Variants in AGBL1 observed in about 807,000 individuals in gnomAD.
AGBL1 encodes AGBL carboxypeptidase 1.
A neutral mutation model predicts 118.9 loss-of-function variants in AGBL1; 130 were observed. That is an observed-to-expected ratio of 1.09 (90% CI 0.95 to 1.26). The LOEUF is 1.26. Among genes scored for constraint, AGBL1 ranks in the 50% most tolerant of loss-of-function variants. The pLI, the probability that AGBL1 is intolerant of heterozygous loss-of-function variation, is 0.00. For missense variants in AGBL1, 1,584 were observed against 1,298.1 expected (o/e 1.22, Z -3.38); for synonymous variants, 555 against 478.9 (o/e 1.16, Z -2.08).
chr15:86,098,159 A>G (rs1896496751), intron 1 of AGBL1, among the ~76,000 whole-genome samples: 1 of 151,962 alleles, frequency 6.6e-6, no homozygotes, highest in South Asian at 2.1e-4. Flanking sequence ...ACTTTGTAAT[A>G]AAACTATTTA....
At chr15:86,711,114 CTG>C (rs2086548789) in intron 22 of AGBL1, among the ~76,000 whole-genome samples, 1 of 152,092 alleles carries the variant, frequency 6.6e-6, no homozygotes, top group Non-Finnish European at 1.5e-5. Flanking sequence ...GCTGTCAAGA[CTG>C]TGGGTAATAC....
chr15:86,550,639 G>C (rs2083651064), intron 20 of AGBL1, among the ~76,000 whole-genome samples: 1 of 151,920 alleles, frequency 6.6e-6, no homozygotes, highest in Non-Finnish European at 1.5e-5. Context: ...TTGAAAGAAG[G>C]CATTTAAAAT....
intron 18 of AGBL1, among the ~76,000 whole-genome samples, chr15:86,508,500 C>T (rs1334369345): frequency 6.6e-6 from 1 of 152,112 alleles, no homozygotes; most frequent in Non-Finnish European, 1.5e-5. Flanking sequence ...GCTTGAAATA[C>T]ATGACTATGA....
At chr15:86,731,475 G>T (rs370125223) in intron 22 of AGBL1, among the ~76,000 whole-genome samples, 1 of 152,138 alleles carries the variant, frequency 6.6e-6, no homozygotes, top group South Asian at 2.1e-4. Flanking sequence ...TAAATATTCT[G>T]CAGTGGGATT....
intron 17 of AGBL1, among the ~76,000 whole-genome samples, chr15:86,304,237 A>G (rs997314887): frequency 2.6e-5 from 4 of 152,002 alleles, no homozygotes; most frequent in Non-Finnish European, 5.9e-5. Context: ...CTTCATCCCT[A>G]CTAACCTTCT....
chr15:86,586,777 G>A (rs780436982), intron 21 of AGBL1, among the ~76,000 whole-genome samples: 2 of 152,108 alleles, frequency 1.3e-5, no homozygotes, highest in Non-Finnish European at 2.9e-5. Flanking sequence ...GAAGGTTTAG[G>A]AGTTATTTAT....
At chr15:86,727,763 A>C (rs2086842539) in intron 22 of AGBL1, among the ~76,000 whole-genome samples, 1 of 152,230 alleles carries the variant, frequency 6.6e-6, no homozygotes, top group Non-Finnish European at 1.5e-5. Context: ...GACTCAGAGA[A>C]TCACTGAATG....
chr15:86,552,476 A>T (rs1026925249), intron 20 of AGBL1, among the ~76,000 whole-genome samples: 1 of 152,236 alleles, frequency 6.6e-6, no homozygotes, highest in East Asian at 1.9e-4. Flanking sequence ...TGATCACTTT[A>T]GTTGCAGGAT....
chr15:86,426,545 GA>G (rs951158872), intron 18 of AGBL1, among the ~76,000 whole-genome samples: 1 of 152,204 alleles, frequency 6.6e-6, no homozygotes, highest in African/African-American at 2.4e-5. Context: ...ACTTCAGCCA[GA>G]TGGAACCGGC....
At chr15:86,927,562 G>C (rs2080557939) in intron 23 of AGBL1, among the ~76,000 whole-genome samples, 1 of 152,122 alleles carries the variant, frequency 6.6e-6, no homozygotes. Context: ...ACTCCAACCT[G>C]GGTGACAGAG....
chr15:86,995,029 G>A (rs145746597), intron 24 of AGBL1, among the ~76,000 whole-genome samples: 1 of 152,106 alleles, frequency 6.6e-6, no homozygotes, highest in African/African-American at 2.4e-5. Flanking sequence ...TGGAGACCGT[G>A]TTACATTATT....
At chr15:86,688,810 A>T (rs1206356791) in intron 22 of AGBL1, among the ~76,000 whole-genome samples, 1 of 152,166 alleles carries the variant, frequency 6.6e-6, no homozygotes, top group Non-Finnish European at 1.5e-5. Flanking sequence ...CTATCACCAC[A>T]ATCACAGTTA....
chr15:86,219,530 C>G (rs1248211980), intron 5 of AGBL1, among the ~76,000 whole-genome samples: 1 of 151,954 alleles, frequency 6.6e-6, no homozygotes, highest in Non-Finnish European at 1.5e-5. Flanking sequence ...AGAAAAGTGG[C>G]TGCTCCAAGC....
chr15:86,768,625 A>T (rs1001845093), intron 22 of AGBL1, among the ~76,000 whole-genome samples: 4 of 151,930 alleles, frequency 2.6e-5, no homozygotes, highest in African/African-American at 9.7e-5. Context: ...TGACCTGACA[A>T]CCTAGTGATC....
intron 22 of AGBL1, among the ~76,000 whole-genome samples, chr15:86,684,929 A>G (rs1164190727): frequency 6.6e-6 from 1 of 152,212 alleles, no homozygotes; most frequent in Non-Finnish European, 1.5e-5. Context: ...ATTTGACTGA[A>G]TAAAAATTAA....
intron 21 of AGBL1, among the ~76,000 whole-genome samples, chr15:86,602,328 C>T (rs2084509412): frequency 6.6e-6 from 1 of 152,180 alleles, no homozygotes; most frequent in African/African-American, 2.4e-5. Context: ...CTCAGCACAA[C>T]TTCTAGTACA....
chr15:86,739,182 G>A (rs983089568), intron 22 of AGBL1, among the ~76,000 whole-genome samples: 6 of 151,946 alleles, frequency 3.9e-5, no homozygotes, highest in African/African-American at 1.4e-4. Flanking sequence ...GGTGGCTCAT[G>A]CCTGTAATCC....
intron 22 of AGBL1, among the ~76,000 whole-genome samples, chr15:86,868,484 C>CCA (rs2079669469): frequency 6.6e-6 from 1 of 152,202 alleles, no homozygotes; most frequent in African/African-American, 2.4e-5. Context: ...GAAGAAATGT[C>CCA]CACTTCCCCA....
At chr15:86,551,950 A>G (rs184814167) in intron 20 of AGBL1, among the ~76,000 whole-genome samples, 2 of 152,338 alleles carry the variant, frequency 1.3e-5, no homozygotes, top group African/African-American at 2.4e-5. Context: ...CATGGAGACT[A>G]AAAAGATCGG....
Sources: allele counts gnomAD v4.1 joint callset (sites outside exome capture counted in the v4.1 genomes callset), GRCh38; gene constraint gnomAD v4.1.1; transcripts MANE v1.5; gene names NCBI Gene and HGNC (gene_info 2026-07-23, HGNC 2026-07-21).